Variants in MUC5B observed in about 807,000 individuals in gnomAD.
MUC5B encodes the protein mucin-5B.
A neutral mutation model predicts 376.9 loss-of-function variants in MUC5B; 116 were observed. That is an observed-to-expected ratio of 0.31 (90% CI 0.26 to 0.36). The LOEUF is 0.36. Among genes scored for constraint, MUC5B ranks in the 10% least tolerant of loss-of-function variants. The pLI, the probability that MUC5B is intolerant of heterozygous loss-of-function variation, is 1.00. For missense variants in MUC5B, 7,165 were observed against 7,769.9 expected (o/e 0.92, Z 2.93); for synonymous variants, 3,517 against 3,390.9 (o/e 1.04, Z -1.29).
Position 1,239,470 on chromosome 11 carries a change from G to T in MUC5B, c.3487G>T (p.Gly1163Cys), listed in dbSNP as rs1023979019. ...CTGTGACTTCTACAACCCACATGGG[G>T]GCTGTGAGTGGCACTACCAGCCCTG... is the stretch of plus-strand genomic sequence containing the variant. Reference protein sequence around the residue: ...LFCDFYNPHGGCEWHYQPCGA... With the variant: ...LFCDFYNPHGCCEWHYQPCGA... The change falls in exon 27 of 49, where the codon GGC (glycine) becomes TGC (cysteine). Residue 1163 changes from glycine (G) to cysteine (C), a missense_variant. This residue lies in a region of MUC5B where 517 missense variants were observed against 545.3 expected (regional missense o/e 0.95). Transcript: ENST00000529681. 2.5e-5 allele frequency: 40 copies of T among 1,607,960 alleles called. No individual in the cohort carries two copies. The highest frequency in any genetic ancestry group is 3.3e-5 in the Non-Finnish European group (39 of 1,176,124).
chr11:1,239,599 T>G, intron 27 of MUC5B, 33 bp downstream of exon 27: 1 of 1,539,374 alleles, frequency 6.5e-7, no homozygotes. Context: ...TGGAGCCTCC[T>G]CTCCTTGGGT....
rs1590194275 is a variant in MUC5B at position 1,260,229 on chromosome 11, T to TGGGAGGCCCCGCCCCTGCCC, written c.16924-113_16924-94dup. On this transcript the variant is annotated intron_variant, in intron 46 of 48. Coordinates refer to ENST00000529681, the MANE Select transcript of MUC5B (RefSeq NM_002458.3). ...CTGCCTGGGAAGCCCCACCCCTGCC[T>TGGGAGGCCCCGCCCCTGCCC]GGGAGGCCCCGCCCCTGCCCGGGAG... 1.3e-5 allele frequency: 15 copies of TGGGAGGCCCCGCCCCTGCCC among 1,152,602 alleles called. No homozygotes were observed. The East Asian group carries it at 1.9e-4, about 14-fold the overall frequency. The allele number at this position is 1,152,602 out of a possible 1,614,324, so 71.4% of individuals were successfully genotyped here. A position where few individuals can be genotyped will look rare whatever the true frequency, so the allele number is the denominator to read the frequency against.
At chr11:1,252,635 G>A in intron 32 of MUC5B, 111 bp downstream of exon 32, 1 of 1,375,584 alleles carries the variant, frequency 7.3e-7, no homozygotes, top group Non-Finnish European at 9.6e-7. Context: ...CCCGCCGCCA[G>A]TATCTCCAGT....
At chr11:1,239,648 G>T (rs2735732) in intron 27 of MUC5B, 82 bp downstream of exon 27, 2 of 1,505,108 alleles carry the variant, frequency 1.3e-6, no homozygotes, top group African/African-American at 2.8e-5. Flanking sequence ...CCCCAGGGAC[G>T]CGGTGTAGGC....
chr11:1,250,729 G>A lies in MUC5B; in HGVS notation c.13849G>A (p.Val4617Met), dbSNP rs755083300. Residue 4617 changes from valine to methionine, a missense_variant, in exon 31 of 49, where the codon GTG (valine) becomes ATG (methionine). Physicochemically the swap from Val to Met is conservative, Grantham distance 21 (BLOSUM62 1). Around this residue, in one of 31 missense-constraint regions of MUC5B, gnomAD observed 730 missense variants for 592.7 expected, o/e 1.23. Coordinates refer to ENST00000529681, the MANE Select transcript of MUC5B (RefSeq NM_002458.3). ...CCCAGGGACGGCACTCACGCCTCCA[G>A]TGTGGATCAGCACAACCACCACACC... ...SSPGTALTPP[V>M]WISTTTTPTT... 4.3e-6 allele frequency: 7 copies of A among 1,611,884 alleles called. No individual in the cohort carries two copies. The highest frequency in any genetic ancestry group is 5.9e-6 in the Non-Finnish European group (7 of 1,179,034).
rs1481752896 is a variant in MUC5B at position 1,247,836 on chromosome 11, G to C, written c.10956G>C (p.Lys3652Asn). 6.2e-7 allele frequency: 1 copy of C among 1,607,620 alleles called. No homozygotes were observed. Among genetic ancestry groups the C allele is most frequent in the African/African-American group, 1.3e-5 (1 of 74,632 alleles). The change falls in exon 31 of 49, where the codon AAG becomes AAC. Residue 3652 changes from lysine (K) to asparagine (N), a missense_variant. Physicochemically the swap from Lys to Asn is moderately conservative, Grantham distance 94. This residue lies in a region of MUC5B where 81 missense variants were observed against 154.5 expected (regional missense o/e 0.52). Transcript: ENST00000529681. ...GCAGGAACCGTGAGCAGGTGGGGAA[G>C]TTCAAGATGTGCTTCAACTATGAAA... ...LVCRNREQVG[K>N]FKMCFNYEIR...
rs1305613189 is a variant in MUC5B at position 1,243,067 on chromosome 11, C to A, written c.6187C>A (p.Pro2063Thr). The A allele has an allele frequency of 6.2e-7, 1 of 1,612,030 alleles. No individual in the cohort carries two copies. The highest frequency in any genetic ancestry group is 8.5e-7 in the Non-Finnish European group (1 of 1,178,968). The part of the protein sequence containing the change: ...TTTTTGFTAT[P>T]SSSPGTALTP... ...CACAACCACGGGCTTCACAGCCACCCCCTCCTCCAGCCCAGGGACGGCACT... is the reference window on the plus strand; with the variant it reads ...CACAACCACGGGCTTCACAGCCACCACCTCCTCCAGCCCAGGGACGGCACT... The change falls in exon 31 of 49, where the codon CCC becomes ACC. Residue 2063 changes from proline (P) to threonine (T), a missense_variant. Pro to Thr is a conservative substitution (Grantham distance 38). Around this residue, in one of 31 missense-constraint regions of MUC5B, gnomAD observed 897 missense variants for 779.6 expected, o/e 1.15. Coordinates refer to ENST00000529681, the MANE Select transcript of MUC5B (RefSeq NM_002458.3).
chr11:1,238,842 G>C, intron 25 of MUC5B, 29 bp from the exon 26 acceptor site: 1 of 1,539,776 alleles, frequency 6.5e-7, no homozygotes, highest in Non-Finnish European at 8.8e-7. Context: ...CATTGTCCCG[G>C]CTGAGCTGCA....
Position 1,231,490 on chromosome 11 carries a change from G to C in MUC5B, c.1608G>C (p.Leu536=), listed in dbSNP as rs1011953434. 1 of 1,607,324 alleles carries C rather than the reference G, an allele frequency of 6.2e-7. No individual in the cohort carries two copies. The highest frequency in any genetic ancestry group is 1.3e-5 in the African/African-American group (1 of 74,792). Residue 536 remains leucine (L), a synonymous_variant, in exon 14 of 49, where the codon CTG becomes CTC. Coordinates refer to ENST00000529681, the MANE Select transcript of MUC5B (RefSeq NM_002458.3). ...TGCAGACAGGCCTGGGGCTGCAGCT[G>C]CTGGTGCAGCTGGTGCCACTCATGC... ...IVVQTGLGLQ[L]LVQLVPLMQV... is the part of the protein sequence containing the mutation.
At position 1,242,918 on chromosome 11, in the gene MUC5B, C is replaced by T. The variant is rs1380729993; in HGVS notation, c.6038C>T (p.Thr2013Ile). ...ATMSTATPSS[T>I]PETAHTSTVL... ...ATGTCCACAGCCACACCCTCCTCCA[C>T]TCCAGAGACTGCCCACACCTCCACA... is the stretch of plus-strand genomic sequence containing the variant. Residue 2013 changes from threonine (T) to isoleucine (I), a missense_variant, in exon 31 of 49, where the codon ACT becomes ATT. This residue lies in a region of MUC5B where 897 missense variants were observed against 779.6 expected (regional missense o/e 1.15). Coordinates refer to ENST00000529681, the MANE Select transcript of MUC5B (RefSeq NM_002458.3). The T allele has an allele frequency of 6.2e-7, 1 of 1,613,182 alleles. No homozygotes were observed.
chr11:1,255,334 C>A (rs766106549), intron 36 of MUC5B, 49 bp from the exon 37 acceptor site: 6 of 1,380,216 alleles, frequency 4.3e-6, no homozygotes, highest in Non-Finnish European at 4.9e-6. Flanking sequence ...CGCACGCACG[C>A]AGCTCCCTGG....
rs1222542284 is a variant in MUC5B at position 1,261,804 on chromosome 11, G to A, written c.*196G>A. ...GGGGCCAGCAGGACCCCTTTCGGGAGGGCGCCACTCAGGAGTCCTACCCTG... is the reference window on the plus strand; with the variant it reads ...GGGGCCAGCAGGACCCCTTTCGGGAAGGCGCCACTCAGGAGTCCTACCCTG... On this transcript the variant is annotated 3_prime_UTR_variant, in exon 49 of 49. Transcript: ENST00000529681. 1 of 708,014 alleles carries A rather than the reference G, an allele frequency of 1.4e-6. No individual in the cohort carries two copies. The highest frequency in any genetic ancestry group is 2.0e-5 in the Admixed American group (1 of 49,682). 43.9% of individuals were successfully genotyped at this position (708,014 alleles called of 1,614,324 possible). A position where few individuals can be genotyped will look rare whatever the true frequency, so the allele number is the denominator to read the frequency against.
At position 1,240,025 on chromosome 11, in the gene MUC5B, C is replaced by T. The variant is rs200179400; in HGVS notation, c.3729-20C>T. The T allele has an allele frequency of 3.0e-4, 482 of 1,587,428 alleles. No individual in the cohort carries two copies. Among genetic ancestry groups the T allele is most frequent in the Admixed American group, 6.1e-4 (35 of 57,470 alleles). On this transcript the variant is annotated intron_variant, in intron 28 of 48. Coordinates refer to ENST00000529681, the MANE Select transcript of MUC5B (RefSeq NM_002458.3). ...CAGGCTGCCCCCCAGGCCCTCAGCT[C>T]GCCTCTCCCCCACCCCTAGTAACTG...
chr11:1,226,054 G>A, intron 2 of MUC5B, 151 bp from the exon 3 acceptor site: 1 of 759,194 alleles, frequency 1.3e-6, no homozygotes, highest in Non-Finnish European at 2.1e-6. Flanking sequence ...GGCAGACAGG[G>A]CCAAGGGTAA....
intron 27 of MUC5B, 65 bp from the exon 28 acceptor site, chr11:1,239,734 T>G: frequency 1.3e-6 from 2 of 1,536,650 alleles, no homozygotes; most frequent in East Asian, 4.7e-5. Context: ...CCCTGCAGCA[T>G]GGAGCCCCTG....
chr11:1,247,751 G>C lies in MUC5B; in HGVS notation c.10871G>C (p.Gly3624Ala), dbSNP rs1487022795. 1 of 1,607,050 alleles carries C rather than the reference G, an allele frequency of 6.2e-7. No individual in the cohort carries two copies. Among genetic ancestry groups the C allele is most frequent in the East Asian group, 2.2e-5 (1 of 44,560 alleles). ...GAGTGCCGTGCCCAGGCCCAGCCTGGTGTCCCCCTGCGGGAGTTGGGCCAG... is the reference window on the plus strand; with the variant it reads ...GAGTGCCGTGCCCAGGCCCAGCCTGCTGTCCCCCTGCGGGAGTTGGGCCAG... ...GLECRAQAQPGVPLRELGQVV... is the reference protein window; with the variant it reads ...GLECRAQAQPAVPLRELGQVV... Residue 3624 changes from glycine to alanine, a missense_variant, in exon 31 of 49, where the codon GGT becomes GCT. This residue lies in a region of MUC5B where 81 missense variants were observed against 154.5 expected (regional missense o/e 0.52). Transcript: ENST00000529681.
In MUC5B at chr11:1,246,455, C is replaced by A; in HGVS notation, c.9575C>A (p.Thr3192Asn). 10 of 1,613,616 alleles carry A rather than the reference C, an allele frequency of 6.2e-6. No homozygotes were observed. Among genetic ancestry groups the A allele is most frequent in the Non-Finnish European group, 8.5e-6 (10 of 1,179,790 alleles). The change falls in exon 31 of 49, where the codon ACC becomes AAC. Residue 3192 changes from threonine (T) to asparagine (N), a missense_variant. By Grantham distance (65) the Thr-to-Asn change is moderately conservative. Around this residue, in one of 31 missense-constraint regions of MUC5B, gnomAD observed 939 missense variants for 770.6 expected, o/e 1.22. Coordinates refer to ENST00000529681, the MANE Select transcript of MUC5B (RefSeq NM_002458.3). ...TASSTRATAG[T>N]LKVLTSTATT... The stretch of plus-strand genomic sequence containing the variant: ...TCCTCCACCCGGGCAACTGCTGGCA[C>A]CCTCAAAGTGCTGACCAGCACGGCC...
Position 1,234,445 on chromosome 11 carries a change from GC to G in MUC5B, c.2479-83del. The G allele has an allele frequency of 6.6e-7, 1 of 1,521,312 alleles. No individual in the cohort carries two copies. Among genetic ancestry groups the G allele is most frequent in the Non-Finnish European group, 8.9e-7 (1 of 1,127,494 alleles). The allele number at this position is 1,521,312 out of a possible 1,614,324, so 94.2% of individuals were successfully genotyped here. A position where few individuals can be genotyped will look rare whatever the true frequency, so the allele number is the denominator to read the frequency against. On this transcript the variant is annotated intron_variant, in intron 20 of 48. Coordinates refer to ENST00000529681, the MANE Select transcript of MUC5B (RefSeq NM_002458.3). This position sits in a 1 kb window ranked among gnomAD's most constrained non-coding sequence, Gnocchi z 6.3. Reference sequence around the variant, plus strand: ...TGGCCCATGCGTTGCCCTGGGTGCTGCTGGGTGCGCCTGTCCCAGAGGGTGA... The same window carrying G: ...TGGCCCATGCGTTGCCCTGGGTGCTGTGGGTGCGCCTGTCCCAGAGGGTGA...
Position 1,253,130 on chromosome 11 carries a change from G to A in MUC5B, c.15217+150G>A. 3.9e-6 allele frequency: 3 copies of A among 776,174 alleles called. No homozygotes were observed. The highest frequency in any genetic ancestry group is 6.2e-6 in the Non-Finnish European group (3 of 486,142). 48.1% of individuals were successfully genotyped at this position (776,174 alleles called of 1,614,324 possible). A position where few individuals can be genotyped will look rare whatever the true frequency, so the allele number is the denominator to read the frequency against. ...GTGGGGCATGGTGGGGTGCAGTGGG[G>A]CATGGTGGGGCATGGTGGGGTGTGG... On this transcript the variant is annotated intron_variant, in intron 33 of 48. Transcript: ENST00000529681. This position sits in a 1 kb window ranked among gnomAD's most constrained non-coding sequence, Gnocchi z 4.3.
Sources: gnomAD v4.1 joint callset for allele counts on GRCh38, gnomAD v4.1.1 for gene constraint, gnomAD v4.1.1 regional missense constraint, Gnocchi (gnomAD v3.1) non-coding constraint, MANE v1.5 for transcripts, NCBI Gene and HGNC (gene_info 2026-07-23, HGNC 2026-07-21) for gene names.